Variants in TSNARE1 observed in about 807,000 individuals in gnomAD.
TSNARE1 encodes t-SNARE domain-containing protein 1.
TSNARE1 carries 49 observed loss-of-function variants against 62.0 expected under a neutral mutation model. The ratio of observed to expected loss-of-function variants is 0.79; its 90% CI spans 0.63 to 1.00. The LOEUF (loss-of-function observed/expected upper bound fraction) is 1.00. Among genes scored for constraint, TSNARE1 ranks in the 50% least tolerant of loss-of-function variants. The probability of loss-of-function intolerance (pLI) is 0.00; values close to 1 mark genes in which losing one functional copy is unlikely to be tolerated. For missense variants in TSNARE1, 755 were observed against 700.1 expected, an observed-to-expected ratio of 1.08 and a Z score of -0.88; for synonymous variants, 328 against 294.4, an observed-to-expected ratio of 1.11 and a Z score of -1.17.
intron 1 of TSNARE1, among the ~76,000 whole-genome samples, chr8:142,372,223 T>C (rs1218614125): frequency 6.6e-6 from 1 of 152,058 alleles, no homozygotes; most frequent in African/African-American, 2.4e-5. Flanking sequence ...ACCCCGCAGG[T>C]CCGCAGCACG....
intron 4 of TSNARE1, among the ~76,000 whole-genome samples, chr8:142,335,668 A>G (rs923951342): frequency 6.6e-6 from 1 of 152,236 alleles, no homozygotes; most frequent in African/African-American, 2.4e-5. Flanking sequence ...GCAAACATCA[A>G]GACAGTAGAG....
At chr8:142,272,310 A>T (rs1239459885) in intron 12 of TSNARE1, among the ~76,000 whole-genome samples, 13 of 80,212 alleles carry the variant, frequency 1.6e-4, no homozygotes, top group African/African-American at 4.0e-4. Context: ...ACCTTCCTCC[A>T]TCTACCCATC....
intron 1 of TSNARE1, among the ~76,000 whole-genome samples, chr8:142,368,705 G>C (rs1470125227): frequency 6.6e-6 from 1 of 152,186 alleles, no homozygotes; most frequent in Non-Finnish European, 1.5e-5. Flanking sequence ...GACCCCTGGG[G>C]TGCAGGTGCC....
intron 2 of TSNARE1, among the ~76,000 whole-genome samples, chr8:142,347,899 C>T (rs1447871073): frequency 6.6e-6 from 1 of 152,196 alleles, no homozygotes; most frequent in Non-Finnish European, 1.5e-5. Flanking sequence ...CATCACCTCA[C>T]CACACTGCAT....
chr8:142,338,540 T>TC (rs1563942588), intron 4 of TSNARE1, among the ~76,000 whole-genome samples: 6 of 151,582 alleles, frequency 4.0e-5, no homozygotes, highest in African/African-American at 1.5e-4. Flanking sequence ...ACAGGCTGCC[T>TC]GGACCACTGG....
chr8:142,244,878 G>A (rs988878307), intron 12 of TSNARE1, among the ~76,000 whole-genome samples: 3 of 152,274 alleles, frequency 2.0e-5, no homozygotes, highest in African/African-American at 7.2e-5. Context: ...TGCAGCGGAA[G>A]GCATCGGCCA....
Position 142,344,192 on chromosome 8 carries a change from C to A in TSNARE1, c.519G>T (p.Ala173=), listed in dbSNP as rs61741289. ...CAACGTCGCGGCGACAGTAGCCCAG[C>A]GCATTCACGGCCTGCAGGATGCGGC... ...VWSRILQAVN[A]LGYCRRDVVD... The change falls in exon 4 of 14, where the codon GCG becomes GCT. Residue 173 remains alanine (A), a synonymous_variant. Coordinates refer to ENST00000524325, the MANE Select transcript of TSNARE1 (RefSeq NM_145003.5). 4 of 1,613,530 alleles carry A rather than the reference C, an allele frequency of 2.5e-6. No homozygotes were observed. Among genetic ancestry groups the A allele is most frequent in the Non-Finnish European group, 3.4e-6 (4 of 1,179,886 alleles).
chr8:142,218,711 C>T (rs1563751899), intron 13 of TSNARE1, among the ~76,000 whole-genome samples: 1 of 152,278 alleles, frequency 6.6e-6, no homozygotes, highest in East Asian at 1.9e-4. Flanking sequence ...AGAAGCTGGG[C>T]ATGTGTGGCC....
chr8:142,301,888 G>A (rs78792582), intron 9 of TSNARE1, among the ~76,000 whole-genome samples: 2,965 of 152,322 alleles, frequency 0.019, 34 homozygotes, highest in East Asian at 0.039. Context: ...AAATCAGGGC[G>A]AGCCCGTGGG....
chr8:142,230,253 G>A (rs955828622), intron 12 of TSNARE1, among the ~76,000 whole-genome samples: 1 of 152,130 alleles, frequency 6.6e-6, no homozygotes, highest in Admixed American at 6.5e-5. Flanking sequence ...GAGAGGCAAG[G>A]GATTAAGGGA....
rs147968911 is a variant in TSNARE1 at position 142,308,585 on chromosome 8, G to A, written c.1131+5799C>T. 3.0e-3 allele frequency among the ~76,000 whole-genome samples: 462 copies of A among 152,094 alleles called. 7 individuals are homozygous for A. The highest frequency in any genetic ancestry group is 6.9e-4 in the Non-Finnish European group (47 of 67,988). On this transcript the variant is annotated intron_variant, in intron 9 of 13. Transcript: ENST00000524325. ...GTGTCCATAGGCTGGTGTGTCCACG[G>A]CTTGGTGTGTCCGTGGGCTGGTGTG...
chr8:142,287,640 G>A (rs1822985465), intron 10 of TSNARE1, among the ~76,000 whole-genome samples: 1 of 135,842 alleles, frequency 7.4e-6, no homozygotes. Context: ...CCAGATCTCA[G>A]GGACAGTGGG....
intron 12 of TSNARE1, among the ~76,000 whole-genome samples, chr8:142,264,818 A>G (rs374424250): frequency 6.6e-6 from 1 of 152,118 alleles, no homozygotes; most frequent in Non-Finnish European, 1.5e-5. Flanking sequence ...TCAATAGTAA[A>G]GGTGTTATTT....
intron 3 of TSNARE1, among the ~76,000 whole-genome samples, chr8:142,345,068 CT>C (rs969253692): frequency 6.6e-6 from 1 of 152,216 alleles, no homozygotes; most frequent in Admixed American, 6.5e-5. Flanking sequence ...CCTCACCCCC[CT>C]ACCATCCTGT....
chr8:142,222,015 A>T (rs200576332), intron 13 of TSNARE1, among the ~76,000 whole-genome samples: 1 of 141,426 alleles, frequency 7.1e-6, no homozygotes, highest in African/African-American at 3.0e-5. Context: ...TCACTCACTC[A>T]CTCACTCATC....
intron 10 of TSNARE1, among the ~76,000 whole-genome samples, chr8:142,285,408 GTGGATGGATGGA>G (rs1159013291): frequency 4.8e-5 from 7 of 146,480 alleles, no homozygotes; most frequent in Admixed American, 2.0e-4. Context: ...GGGTGGGTGG[GTGGATGGATGGA>G]TGGATGGATG....
intron 10 of TSNARE1, among the ~76,000 whole-genome samples, chr8:142,296,261 G>A (rs1159694527): frequency 2.2e-5 from 1 of 46,412 alleles, no homozygotes; most frequent in Non-Finnish European, 4.3e-5. Flanking sequence ...GGTGGTCACC[G>A]TCATGGGGGA....
chr8:142,255,496 ACCACCACCAC>A lies in TSNARE1; in HGVS notation c.1446+19275_1446+19284del, dbSNP rs1563780642. On this transcript the variant is annotated intron_variant, in intron 12 of 13. Coordinates refer to ENST00000524325, the MANE Select transcript of TSNARE1 (RefSeq NM_145003.5). ...CACCACCATCACCATCATCATCACC[ACCACCACCAC>A]TGTCACCATCACCACCACCACCACC... Among the ~76,000 whole-genome samples the A allele has an allele frequency of 9.7e-5, 8 of 82,762 alleles. 2 individuals carry two copies. The South Asian group carries it at 2.0e-3, about 21-fold the overall frequency. The allele number at this position is 82,762 out of a possible 152,430, so 54.3% of individuals were successfully genotyped here.
chr8:142,216,184 G>A lies in TSNARE1; in HGVS notation c.*12-3871C>T, dbSNP rs1306492887. Among the ~76,000 whole-genome samples, 9 of 152,170 alleles carry A rather than the reference G, an allele frequency of 5.9e-5. No homozygotes were observed. In the East Asian group the frequency reaches 1.2e-3, roughly 20 times the overall value. On this transcript the variant is annotated intron_variant, in intron 13 of 13. Coordinates refer to ENST00000524325, the MANE Select transcript of TSNARE1 (RefSeq NM_145003.5). ...GGTCTCTTCACCCCCAGGGCCCGGT[G>A]TAGAAGAAGCTCCCACCTCTGCCAT... is the stretch of plus-strand genomic sequence containing the variant.
Sources: allele counts gnomAD v4.1 joint callset (sites outside exome capture counted in the v4.1 genomes callset), GRCh38; gene constraint gnomAD v4.1.1; transcripts MANE v1.5; gene names NCBI Gene and HGNC (gene_info 2026-07-23, HGNC 2026-07-21).